The following CENPF variants were observed in gnomAD, a reference collection of about 807,000 sequenced individuals.
CENPF encodes the protein AH antigen.
In CENPF, 214 loss-of-function variants were observed where a neutral mutation model predicts 307.3. That is an observed-to-expected ratio of 0.70 (90% CI 0.62 to 0.78). CENPF has a LOEUF of 0.78. Ranked by LOEUF, CENPF falls within the 30% of genes least tolerant of loss-of-function variation. The pLI, the probability that CENPF is intolerant of heterozygous loss-of-function variation, is 0.00. For synonymous variants in CENPF, 1,259 were observed against 1,270.6 expected, an observed-to-expected ratio of 0.99 and a Z score of 0.19; for missense variants, 3,401 against 3,483.9, an observed-to-expected ratio of 0.98 and a Z score of 0.60.
At chr1:214,605,609 G>A (rs1261169241) in intron 1 of CENPF, 1 of 1,377,490 alleles carries the variant, frequency 7.3e-7, no homozygotes, top group Non-Finnish European at 9.9e-7. Flanking sequence ...CAGCCCCTGG[G>A]GGGCCGGCGC....
intron 16 of CENPF, chr1:214,653,604 A>G (rs1658550258): frequency 6.5e-6 from 1 of 154,530 alleles, no homozygotes; most frequent in Non-Finnish European, 1.5e-5. Flanking sequence ...ATAAATACCC[A>G]CAGTGTATAG....
At chr1:214,653,653 T>C (rs1031626901) in intron 16 of CENPF, 1 of 153,750 alleles carries the variant, frequency 6.5e-6, no homozygotes, top group Non-Finnish European at 1.5e-5. Context: ...AGAAAATATT[T>C]TACTTAGAAG....
intron 7 of CENPF, among the ~76,000 whole-genome samples, chr1:214,626,882 T>G (rs1450235412): frequency 6.6e-6 from 1 of 152,262 alleles, no homozygotes; most frequent in Non-Finnish European, 1.5e-5. Flanking sequence ...TAGGCCTTCC[T>G]GTATGTAAGA....
rs1237078574 is a variant in CENPF at position 214,641,453 on chromosome 1, C to T, written c.3115C>T (p.Leu1039Phe). 4 of 1,547,850 alleles carry T rather than the reference C, an allele frequency of 2.6e-6. No homozygotes were observed. Among genetic ancestry groups the T allele is most frequent in the Non-Finnish European group, 3.5e-6 (4 of 1,155,726 alleles). Residue 1039 changes from leucine to phenylalanine, a missense_variant, in exon 12 of 20, where the codon CTT (leucine) becomes TTT (phenylalanine). Leu to Phe is a conservative substitution (Grantham distance 22). Coordinates refer to ENST00000366955, the MANE Select transcript of CENPF (RefSeq NM_016343.4). Reference sequence around the variant, plus strand: ...AGAAACCGGAAATGCATATGAGGATCTTAGTCAAAAATACAAAGCAGCACA... The same window carrying T: ...AGAAACCGGAAATGCATATGAGGATTTTAGTCAAAAATACAAAGCAGCACA... The part of the protein sequence containing the change: ...CEETGNAYED[L>F]SQKYKAAQEK...
At chr1:214,623,787 G>A (rs1571702518) in intron 7 of CENPF, among the ~76,000 whole-genome samples, 1 of 152,114 alleles carries the variant, frequency 6.6e-6, no homozygotes, top group Non-Finnish European at 1.5e-5. Flanking sequence ...TCATTGCTTT[G>A]TGGAGCTTCA....
At position 214,646,913 on chromosome 1, in the gene CENPF, A is replaced by C. The variant is rs1658322071; in HGVS notation, c.7343A>C (p.Lys2448Thr). ...ATGGAGATGCTTCAAACACAATTAA[A>C]AGAGCTCAATGAGAGAGTGGCAGCC... ...TAMEMLQTQL[K>T]ELNERVAALH... The change falls in exon 13 of 20, where the codon AAA (lysine) becomes ACA (threonine). Residue 2448 changes from lysine (K) to threonine (T), a missense_variant. By Grantham distance (78) the Lys-to-Thr change is moderately conservative (BLOSUM62 -1). Transcript: ENST00000366955. 6.2e-7 allele frequency: 1 copy of C among 1,613,992 alleles called. No homozygotes were observed. Among genetic ancestry groups the C allele is most frequent in the South Asian group, 1.1e-5 (1 of 91,080 alleles).
rs766188193 is a variant in CENPF, at chr1:214,632,621, G to A, written c.1446+19G>A. On this transcript the variant is annotated intron_variant, in intron 10 of 19. Coordinates refer to ENST00000366955, the MANE Select transcript of CENPF (RefSeq NM_016343.4). ...CATGGAGGTAAGGGAGGAGGATGCC[G>A]AATTTTCTCCACTTATGTAAGAACC... 9 of 1,610,234 alleles carry A rather than the reference G, an allele frequency of 5.6e-6. No individual in the cohort carries two copies. In the East Asian group the frequency reaches 1.3e-4, roughly 24 times the overall value.
At chr1:214,621,794 T>C (rs922036283) in intron 6 of CENPF, among the ~76,000 whole-genome samples, 1 of 152,234 alleles carries the variant, frequency 6.6e-6, no homozygotes, top group Admixed American at 6.5e-5. Context: ...TTTCACAGTC[T>C]CAATAAGAAG....
chr1:214,617,985 T>C (rs1252669435), intron 3 of CENPF, among the ~76,000 whole-genome samples: 1 of 152,214 alleles, frequency 6.6e-6, no homozygotes, highest in African/African-American at 2.4e-5. Flanking sequence ...TGACTCACAG[T>C]TCCACAGGGC....
chr1:214,608,701 C>T (rs1287949631), intron 1 of CENPF: 33 of 1,594,318 alleles, frequency 2.1e-5, no homozygotes, highest in Non-Finnish European at 2.7e-5. Context: ...GGCCCCGGCC[C>T]CACCAGGCCC....
chr1:214,610,395 A>T (rs1558168012), intron 1 of CENPF, among the ~76,000 whole-genome samples: 2 of 151,386 alleles, frequency 1.3e-5, no homozygotes, highest in East Asian at 3.9e-4. Context: ...CTGGTGTGAG[A>T]TGGTATTTCA....
rs1016742110 is a variant in CENPF at position 214,613,796 on chromosome 1, A to C, written c.42A>C (p.Thr14=). 6.2e-7 allele frequency: 1 copy of C among 1,613,422 alleles called. No homozygotes were observed. The highest frequency in any genetic ancestry group is 1.7e-5 in the Admixed American group (1 of 59,872). The change falls in exon 2 of 20, where the codon ACA becomes ACC. Residue 14 remains threonine (T), a synonymous_variant. Transcript: ENST00000366955. Reference sequence around the variant, plus strand: ...AAGAATGGAAAGAAGGGCTGCCTACAAGAGCTCTTCAGAAAATTCAAGAGC... The same window carrying C: ...AAGAATGGAAAGAAGGGCTGCCTACCAGAGCTCTTCAGAAAATTCAAGAGC... The part of the protein sequence containing the change: ...ALEEWKEGLP[T]RALQKIQELE...
Position 214,646,583 on chromosome 1 carries a change from T to G in CENPF, c.7013T>G (p.Val2338Gly), listed in dbSNP as rs774981026. The change falls in exon 13 of 20, where the codon GTG (valine) becomes GGG (glycine). Residue 2338 changes from valine (V) to glycine (G), a missense_variant. Transcript: ENST00000366955. ...EHHADLLKGR[V>G]ENLERELEIA... Reference sequence around the variant, plus strand: ...CATGCAGATTTACTTAAGGGTAGAGTGGAGAACCTTGAAAGAGAGCTAGAG... The same window carrying G: ...CATGCAGATTTACTTAAGGGTAGAGGGGAGAACCTTGAAAGAGAGCTAGAG... 6.2e-7 allele frequency: 1 copy of G among 1,614,000 alleles called. No homozygotes were observed. Among genetic ancestry groups the G allele is most frequent in the Non-Finnish European group, 8.5e-7 (1 of 1,179,988 alleles).
intron 10 of CENPF, among the ~76,000 whole-genome samples, chr1:214,636,875 GT>G (rs1226976362): frequency 4.6e-5 from 7 of 152,168 alleles, no homozygotes; most frequent in Admixed American, 3.9e-4. Context: ...CTCTTAGCTT[GT>G]AATGATTTAT....
Position 214,657,017 on chromosome 1 carries a change from C to T in CENPF, c.8570C>T (p.Ala2857Val), listed in dbSNP as rs772998061. The T allele has an allele frequency of 2.4e-5, 39 of 1,613,726 alleles. No homozygotes were observed. The highest frequency in any genetic ancestry group is 3.2e-5 in the Non-Finnish European group (38 of 1,179,960). The change falls in exon 18 of 20, where the codon GCA (alanine) becomes GTA (valine). Residue 2857 changes from alanine (A) to valine (V), a missense_variant. Ala to Val is a moderately conservative substitution (Grantham distance 64). Coordinates refer to ENST00000366955, the MANE Select transcript of CENPF (RefSeq NM_016343.4). ...ACTCTTGAAGAAAAAACCAAGGAGG[C>T]AGATGAATACTTGGATAAGTACTGT... ...KETLEEKTKE[A>V]DEYLDKYCSL...
chr1:214,623,539 G>A (rs1429055396), intron 7 of CENPF, among the ~76,000 whole-genome samples: 2 of 150,566 alleles, frequency 1.3e-5, no homozygotes, highest in Non-Finnish European at 2.9e-5. Flanking sequence ...TTCTTAGCCT[G>A]TTATTTTGTT....
Position 214,656,950 on chromosome 1 carries a change from A to G in CENPF, c.8503A>G (p.Lys2835Glu), listed in dbSNP as rs780494477. 6.8e-6 allele frequency: 11 copies of G among 1,607,988 alleles called. No homozygotes were observed. In the East Asian group the frequency reaches 1.6e-4, roughly 23 times the overall value. ...TTGGACAGGTACTGTTATGGATACC[A>G]AGGTCGATGAATTAACAACTGAGAT... ...KQKTGTVMDT[K>E]VDELTTEIKE... The change falls in exon 18 of 20, where the codon AAG becomes GAG. Residue 2835 changes from lysine to glutamate, a missense_variant. Physicochemically the swap from Lys to Glu is moderately conservative, Grantham distance 56. Transcript: ENST00000366955.
intron 9 of CENPF, 68 bp downstream of exon 9, chr1:214,630,730 A>T (rs375674012): frequency 1.9e-6 from 3 of 1,546,960 alleles, no homozygotes; most frequent in Non-Finnish European, 2.6e-6. Flanking sequence ...TTACTTCTCT[A>T]CCATAACTGA....
At chr1:214,629,305 A>G in intron 8 of CENPF, 134 bp downstream of exon 8, 1 of 819,726 alleles carries the variant, frequency 1.2e-6, no homozygotes, top group Non-Finnish European at 1.8e-6. Flanking sequence ...TTGTGAGCTA[A>G]AGGTCATCTT....
Sources: allele counts gnomAD v4.1 joint callset (sites outside exome capture counted in the v4.1 genomes callset), GRCh38; gene constraint gnomAD v4.1.1; transcripts MANE v1.5; gene names NCBI Gene and HGNC (gene_info 2026-07-23, HGNC 2026-07-21).